ANTXRL: variants seen among roughly 807,000 people sequenced by gnomAD.
ANTXRL encodes the protein ANTXR like.
Under a neutral mutation model 75.4 loss-of-function variants are expected in ANTXRL, and 63 were observed. That is an observed-to-expected ratio of 0.84 (90% CI 0.68 to 1.03). The LOEUF is 1.03. Ranked by LOEUF, ANTXRL falls within the 50% of genes least tolerant of loss-of-function variation. The pLI is 0.00. For synonymous variants in ANTXRL, 335 were observed against 291.3 expected, an observed-to-expected ratio of 1.15 and a Z score of -1.53; for missense variants, 797 against 789.4, an observed-to-expected ratio of 1.01 and a Z score of -0.12.
chr10:46,303,375 T>C (rs1588827115), intron 10 of ANTXRL, among the ~76,000 whole-genome samples: 1 of 152,308 alleles, frequency 6.6e-6, no homozygotes, highest in East Asian at 1.9e-4. Flanking sequence ...TTTCTCAATT[T>C]AACATGGAGG....
At chr10:46,309,916 G>C (rs1395424550) in intron 13 of ANTXRL, among the ~76,000 whole-genome samples, 1 of 152,154 alleles carries the variant, frequency 6.6e-6, no homozygotes, top group Middle Eastern at 3.2e-3. Context: ...AAGATGGAAG[G>C]GGTGCTGGGA....
intron 15 of ANTXRL, among the ~76,000 whole-genome samples, chr10:46,312,858 G>A (rs1205140679): frequency 2.6e-5 from 4 of 151,306 alleles, no homozygotes; most frequent in Admixed American, 1.3e-4. Context: ...CCTTCCCCTT[G>A]TGTGCCCCAG....
chr10:46,288,311 G>T (rs1321384411), intron 1 of ANTXRL, among the ~76,000 whole-genome samples: 9 of 152,090 alleles, frequency 5.9e-5, no homozygotes, highest in African/African-American at 2.2e-4. Context: ...CCACAATCCT[G>T]GGCTGTGAGT....
intron 1 of ANTXRL, among the ~76,000 whole-genome samples, chr10:46,288,391 C>T (rs1554955766): frequency 6.6e-6 from 1 of 152,102 alleles, no homozygotes; most frequent in Non-Finnish European, 1.5e-5. Context: ...CATCCAGAGA[C>T]AGCTAGTGTG....
intron 2 of ANTXRL, among the ~76,000 whole-genome samples, chr10:46,293,526 T>C (rs1226508321): frequency 7.1e-6 from 1 of 141,380 alleles, no homozygotes; most frequent in Non-Finnish European, 1.5e-5. Flanking sequence ...TGTGTGCCTC[T>C]GTGTGTGCAT....
chr10:46,305,716 G>A (rs1195677601), intron 10 of ANTXRL, among the ~76,000 whole-genome samples: 5 of 151,794 alleles, frequency 3.3e-5, no homozygotes, highest in Non-Finnish European at 5.9e-5. Flanking sequence ...ACACATTACC[G>A]AACTCTCCTG....
At chr10:46,310,595 C>T in intron 14 of ANTXRL, 96 bp downstream of exon 14, 1 of 1,308,738 alleles carries the variant, frequency 7.6e-7, no homozygotes, top group Non-Finnish European at 1.1e-6. Context: ...TGATCTCCAT[C>T]TGCTTGAGCA....
At chr10:46,319,147 T>C (rs1248691098) in intron 16 of ANTXRL, among the ~76,000 whole-genome samples, 2 of 152,188 alleles carry the variant, frequency 1.3e-5, no homozygotes, top group Non-Finnish European at 2.9e-5. Flanking sequence ...CTCAAGTATG[T>C]GAGTATGGAG....
intron 3 of ANTXRL, among the ~76,000 whole-genome samples, chr10:46,295,051 G>A (rs1397939651): frequency 1.3e-5 from 2 of 152,190 alleles, no homozygotes; most frequent in Non-Finnish European, 2.9e-5. Flanking sequence ...GCAACTGACA[G>A]GCCTCATGCC....
chr10:46,293,306 G>A (rs1837113554), intron 2 of ANTXRL, among the ~76,000 whole-genome samples: 1 of 143,694 alleles, frequency 7.0e-6, no homozygotes, highest in Admixed American at 6.9e-5. Context: ...GCCTGTGTGT[G>A]TGTGCGTGTG....
intron 9 of ANTXRL, among the ~76,000 whole-genome samples, chr10:46,298,311 C>T (rs1405272560): frequency 2.0e-5 from 3 of 151,184 alleles, no homozygotes; most frequent in East Asian, 1.9e-4. Flanking sequence ...GTGAAATCTG[C>T]GGGAGAGGGT....
At chr10:46,304,522 TAA>T (rs1837953547) in intron 10 of ANTXRL, among the ~76,000 whole-genome samples, 1 of 152,166 alleles carries the variant, frequency 6.6e-6, no homozygotes, top group Admixed American at 6.5e-5. Context: ...TTTTTTGTGT[TAA>T]GTCTGCAATG....
intron 9 of ANTXRL, among the ~76,000 whole-genome samples, chr10:46,299,945 C>T (rs1183987776): frequency 3.3e-5 from 5 of 152,164 alleles, no homozygotes; most frequent in African/African-American, 9.7e-5. Context: ...GGGCTCTCCT[C>T]CCCCTCGGGG....
At position 46,287,190 on chromosome 10, in the gene ANTXRL, G is replaced by C. The variant is rs546875174; in HGVS notation, c.-73G>C. 1 of 1,500,240 alleles carries C rather than the reference G, an allele frequency of 6.7e-7. No homozygotes were observed. The highest frequency in any genetic ancestry group is 2.2e-5 in the Admixed American group (1 of 46,412). The allele number at this position is 1,500,240 out of a possible 1,614,324, so 92.9% of individuals were successfully genotyped here. ...CATAAGGGGAGGCGGCAAAGAAGGG[G>C]CCTGTGCTCAGCCTCTCTGGGCCCT... On this transcript the variant is annotated 5_prime_UTR_variant, in exon 1 of 17. Transcript: ENST00000620264.
At chr10:46,303,821 T>C (rs1554961164) in intron 10 of ANTXRL, among the ~76,000 whole-genome samples, 1 of 152,102 alleles carries the variant, frequency 6.6e-6, no homozygotes, top group Non-Finnish European at 1.5e-5. Context: ...GGGTGTGCTC[T>C]TCCCCACTGA....
At chr10:46,327,158 G>A in intron 16 of ANTXRL, among the ~76,000 whole-genome samples, 1 of 152,150 alleles carries the variant, frequency 6.6e-6, no homozygotes, top group Non-Finnish European at 1.5e-5. Context: ...GAGGAGCGAG[G>A]GAGGGTGCCA....
chr10:46,293,331 T>TA (rs1837122511), intron 2 of ANTXRL, among the ~76,000 whole-genome samples: 1 of 145,184 alleles, frequency 6.9e-6, no homozygotes, highest in African/African-American at 2.6e-5. Context: ...TGTGTGTGAG[T>TA]GTGTGCGTGT....
chr10:46,325,159 A>G (rs1279197416), intron 16 of ANTXRL, among the ~76,000 whole-genome samples: 1 of 152,064 alleles, frequency 6.6e-6, no homozygotes, highest in African/African-American at 2.4e-5. Context: ...TTACTAGAGA[A>G]TCCCTGAGCC....
intron 2 of ANTXRL, chr10:46,292,693 C>G (rs1837046048): frequency 6.3e-6 from 1 of 158,884 alleles, no homozygotes. Flanking sequence ...GCTCATTATG[C>G]CAGGCCAAGG....
Sources: gnomAD v4.1 joint callset for allele counts (sites outside exome capture counted in the v4.1 genomes callset) on GRCh38, gnomAD v4.1.1 for gene constraint, MANE v1.5 for transcripts, NCBI Gene and HGNC (gene_info 2026-07-23, HGNC 2026-07-21) for gene names.